Variants in ASIC2 observed in about 807,000 individuals in gnomAD.
ASIC2 encodes acid sensing ion channel subunit 2.
ASIC2 carries 25 observed loss-of-function variants against 57.3 expected under a neutral mutation model. The observed-to-expected ratio is 0.44, with a 90% CI of 0.32 to 0.61. The LOEUF (loss-of-function observed/expected upper bound fraction) is 0.61, where lower values mean the gene tolerates loss of function less well. ASIC2 is among the 20% of genes least tolerant of loss of function. The probability of loss-of-function intolerance (pLI) is 0.06; values close to 1 mark genes in which losing one functional copy is unlikely to be tolerated. For missense variants in ASIC2, 641 were observed against 738.1 expected (o/e 0.87, Z 1.52); for synonymous variants, 319 against 307.5 (o/e 1.04, Z -0.39).
chr17:33,449,173 T>G (rs981909440), intron 1 of ASIC2, among the ~76,000 whole-genome samples: 47 of 152,210 alleles, frequency 3.1e-4, no homozygotes, highest in Admixed American at 2.2e-3. Context: ...ACAGGGAAAC[T>G]ATCACTGTAT....
At chr17:33,264,556 G>A (rs1260238057) in intron 1 of ASIC2, among the ~76,000 whole-genome samples, 1 of 152,188 alleles carries the variant, frequency 6.6e-6, no homozygotes, top group African/African-American at 2.4e-5. Context: ...ACCAGGCCAC[G>A]TGCATCTCTC....
chr17:33,028,202 A>C (rs778578573), intron 4 of ASIC2, 40 bp downstream of exon 4: 32 of 1,457,060 alleles, frequency 2.2e-5, no homozygotes, highest in Non-Finnish European at 2.8e-5. Context: ...GGTCCCAGGC[A>C]GATCCCAGGG....
chr17:33,956,196 AG>A (rs1904729233), intron 1 of ASIC2, among the ~76,000 whole-genome samples: 1 of 152,214 alleles, frequency 6.6e-6, no homozygotes, highest in Non-Finnish European at 1.5e-5. Context: ...TCCAAGCAGG[AG>A]AGTCAATAGG....
intron 2 of ASIC2, among the ~76,000 whole-genome samples, chr17:33,097,512 A>T (rs2092187260): frequency 6.6e-6 from 1 of 152,180 alleles, no homozygotes. Context: ...CACCTTTCAG[A>T]TGAAAAAATG....
At chr17:34,104,836 T>C (rs1176873146) in intron 1 of ASIC2, among the ~76,000 whole-genome samples, 1 of 152,092 alleles carries the variant, frequency 6.6e-6, no homozygotes, top group Non-Finnish European at 1.5e-5. Context: ...ATATTCTTTT[T>C]ATATATTTCT....
At chr17:33,978,147 C>T (rs1742276716) in intron 1 of ASIC2, among the ~76,000 whole-genome samples, 1 of 152,184 alleles carries the variant, frequency 6.6e-6, no homozygotes, top group South Asian at 2.1e-4. Context: ...CTGTGCTGGC[C>T]AGGGCTTGGT....
intron 1 of ASIC2, among the ~76,000 whole-genome samples, chr17:33,909,513 A>C (rs1429922263): frequency 6.6e-6 from 1 of 152,176 alleles, no homozygotes; most frequent in Non-Finnish European, 1.5e-5. Flanking sequence ...ACCACGGAGC[A>C]TGGGCTATGG....
upstream of ASIC2, among the ~76,000 whole-genome samples, chr17:33,294,576 C>T (rs559119621): frequency 8.4e-4 from 128 of 152,156 alleles, no homozygotes; most frequent in African/African-American, 3.0e-3. Flanking sequence ...CACCCACATA[C>T]ATACATCCAC....
Position 33,788,013 on chromosome 17 carries a change from T to C in ASIC2, c.555+367965A>G, listed in dbSNP as rs4795827. On this transcript the variant is annotated intron_variant, in intron 1 of 9. Transcript: ENST00000359872. ...GACATAGGCATGGGCAAAGACTTCA[T>C]GACAAAAACACCAAAAGCAATTGCA... is the stretch of plus-strand genomic sequence containing the variant. Among the ~76,000 whole-genome samples, 271 of 152,228 alleles carry C rather than the reference T, an allele frequency of 1.8e-3. 4 individuals are homozygous for C. The highest frequency in any genetic ancestry group is 0.014 in the Admixed American group (217 of 15,292).
rs1372420173 is a variant in ASIC2, at chr17:33,292,336, C to T, written c.-221G>A. ...CCCGGGGCTGAGCGCCGCCTCAGCC[C>T]GCAGCCCCTGGCAGTGGCCTCTCCC... On this transcript the variant is annotated 5_prime_UTR_variant, in exon 1 of 10. Transcript: ENST00000225823. 1.0e-6 allele frequency: 1 copy of T among 986,380 alleles called. No homozygotes were observed. Among genetic ancestry groups the T allele is most frequent in the African/African-American group, 1.8e-5 (1 of 57,128 alleles). The allele number at this position is 986,380 out of a possible 1,614,324, so 61.1% of individuals were successfully genotyped here.
chr17:33,237,928 A>C (rs1908357579), intron 1 of ASIC2, among the ~76,000 whole-genome samples: 1 of 152,114 alleles, frequency 6.6e-6, no homozygotes, highest in African/African-American at 2.4e-5. Context: ...CCTGTGCCTC[A>C]CACTGTGGTC....
In ASIC2 at chr17:33,064,754, G is replaced by A. The variant is rs574133039; in HGVS notation, c.987+24109C>T. 9.2e-5 allele frequency among the ~76,000 whole-genome samples: 14 copies of A among 152,332 alleles called. No individual in the cohort carries two copies. In the East Asian group the frequency reaches 1.2e-3, roughly 13 times the overall value. On this transcript the variant is annotated intron_variant, in intron 3 of 9. Coordinates refer to ENST00000225823, the MANE Select transcript of ASIC2 (RefSeq NM_183377.2). ...AACGCAGAAATCACCCATCTTCTGCGTCACTCACGCTGGGAGCTTTAGACT... is the reference window on the plus strand; with the variant it reads ...AACGCAGAAATCACCCATCTTCTGCATCACTCACGCTGGGAGCTTTAGACT...
At chr17:34,149,290 A>G (rs2142142463) in intron 1 of ASIC2, among the ~76,000 whole-genome samples, 1 of 152,008 alleles carries the variant, frequency 6.6e-6, no homozygotes, top group South Asian at 2.1e-4. Context: ...TATTTCTTGT[A>G]GAGACTGGGT....
At chr17:34,125,915 C>T (rs558157544) in intron 1 of ASIC2, among the ~76,000 whole-genome samples, 2 of 152,046 alleles carry the variant, frequency 1.3e-5, no homozygotes, top group South Asian at 4.1e-4. Context: ...AACTGTGGAA[C>T]ACAGGAGGCC....
At chr17:33,043,246 C>T (rs115912492) in intron 3 of ASIC2, among the ~76,000 whole-genome samples, 3 of 152,178 alleles carry the variant, frequency 2.0e-5, no homozygotes, top group Non-Finnish European at 4.4e-5. Flanking sequence ...TACTGATGAG[C>T]AAACTTCAGT....
intron 1 of ASIC2, among the ~76,000 whole-genome samples, chr17:33,153,400 C>T (rs1359101044): frequency 6.6e-6 from 1 of 152,212 alleles, no homozygotes; most frequent in East Asian, 1.9e-4. Context: ...AATATGATCA[C>T]AGGCTAATAA....
chr17:33,076,441 C>T (rs903086963), intron 3 of ASIC2, among the ~76,000 whole-genome samples: 2 of 152,196 alleles, frequency 1.3e-5, no homozygotes, highest in Non-Finnish European at 2.9e-5. Context: ...TATGCACATC[C>T]TTAAAAACTG....
chr17:33,528,804 A>G (rs1914965395), intron 1 of ASIC2, among the ~76,000 whole-genome samples: 1 of 152,190 alleles, frequency 6.6e-6, no homozygotes, highest in Admixed American at 6.5e-5. Context: ...GTGCCTTCAG[A>G]GAGCTGATTA....
At chr17:33,767,653 A>G (rs1317810329) in intron 1 of ASIC2, among the ~76,000 whole-genome samples, 1 of 152,278 alleles carries the variant, frequency 6.6e-6, no homozygotes, top group African/African-American at 2.4e-5. Context: ...AGATAATGCT[A>G]AAGTAAAGTT....
Sources: gnomAD v4.1 joint callset for allele counts (sites outside exome capture counted in the v4.1 genomes callset) on GRCh38, gnomAD v4.1.1 for gene constraint, MANE v1.5 for transcripts, NCBI Gene and HGNC (gene_info 2026-07-23, HGNC 2026-07-21) for gene names.